CADPS2: variants seen among roughly 807,000 people sequenced by gnomAD.
CADPS2 encodes calcium-dependent secretion activator 2.
Under a neutral mutation model 172.5 loss-of-function variants are expected in CADPS2, and 93 were observed. The observed-to-expected ratio is 0.54, with a 90% confidence interval of 0.46 to 0.64. CADPS2 has a LOEUF of 0.64. Ranked by LOEUF, CADPS2 falls within the 30% of genes least tolerant of loss-of-function variation. The pLI is 0.00. For synonymous variants in CADPS2, 546 were observed against 555.2 expected, an observed-to-expected ratio of 0.98 and a Z score of 0.23; for missense variants, 1,420 against 1,565.9, an observed-to-expected ratio of 0.91 and a Z score of 1.57.
chr7:122,638,617 G>A (rs2077302128), intron 3 of CADPS2, among the ~76,000 whole-genome samples: 1 of 152,190 alleles, frequency 6.6e-6, no homozygotes, highest in South Asian at 2.1e-4. Flanking sequence ...TGTTGCCTCT[G>A]CAAAAACTCT....
At chr7:122,480,016 G>A (rs566327506) in intron 12 of CADPS2, 193 of 447,944 alleles carry the variant, frequency 4.3e-4, no homozygotes, top group Non-Finnish European at 8.2e-4. Flanking sequence ...TGAAAACCAG[G>A]GTGTGTGCAC....
At chr7:122,409,722 C>A in intron 19 of CADPS2, 1 of 432,626 alleles carries the variant, frequency 2.3e-6, no homozygotes, top group Non-Finnish European at 4.9e-6. Context: ...TGTCTACAAC[C>A]TGTCCCCTTC....
rs185807495 is a variant in CADPS2 at position 122,337,387 on chromosome 7, A to G, written c.3612+8187T>C. ...AATGACAATTGTGTTCCACGATCACATTTCAAGAATCTAAGCAAGAAGCCC... is the reference window on the plus strand; with the variant it reads ...AATGACAATTGTGTTCCACGATCACGTTTCAAGAATCTAAGCAAGAAGCCC... On this transcript the variant is annotated intron_variant, in intron 28 of 29. Coordinates refer to ENST00000449022, the MANE Select transcript of CADPS2 (RefSeq NM_017954.11). Among the ~76,000 whole-genome samples the G allele has an allele frequency of 5.0e-3, 755 of 152,348 alleles. 24 individuals carry two copies. Among genetic ancestry groups the G allele is most frequent in the Admixed American group, 1.9e-3 (29 of 15,310 alleles).
At chr7:122,856,554 C>A (rs978981849) in intron 1 of CADPS2, among the ~76,000 whole-genome samples, 2 of 152,162 alleles carry the variant, frequency 1.3e-5, no homozygotes, top group African/African-American at 4.8e-5. Flanking sequence ...CCTCTACTTA[C>A]AGGTTTTCAC....
At chr7:122,587,409 T>A (rs748596361) in intron 6 of CADPS2, among the ~76,000 whole-genome samples, 1 of 152,114 alleles carries the variant, frequency 6.6e-6, no homozygotes, top group Non-Finnish European at 1.5e-5. Context: ...GATAATGGCT[T>A]CCAGCTTCAT....
At chr7:122,640,917 T>C (rs1351258276) in intron 3 of CADPS2, among the ~76,000 whole-genome samples, 2 of 135,974 alleles carry the variant, frequency 1.5e-5, no homozygotes, top group South Asian at 2.3e-4. Flanking sequence ...CTGGGTGACA[T>C]AGCAAGACTC....
intron 4 of CADPS2, among the ~76,000 whole-genome samples, chr7:122,624,898 A>C (rs1451122901): frequency 6.6e-6 from 1 of 152,178 alleles, no homozygotes; most frequent in Non-Finnish European, 1.5e-5. Flanking sequence ...TTCTGATAGA[A>C]AGTCATAAGT....
chr7:122,744,051 T>C (rs2092614341), intron 1 of CADPS2, among the ~76,000 whole-genome samples: 1 of 152,218 alleles, frequency 6.6e-6, no homozygotes. Flanking sequence ...CAGGTTCACT[T>C]GATAGGTATA....
chr7:122,884,114 T>C (rs1823662412), intron 1 of CADPS2, among the ~76,000 whole-genome samples: 1 of 152,200 alleles, frequency 6.6e-6, no homozygotes, highest in African/African-American at 2.4e-5. Context: ...TCTTCAAGGA[T>C]AATATTCCAA....
intron 1 of CADPS2, among the ~76,000 whole-genome samples, chr7:122,844,438 C>A (rs982763644): frequency 6.6e-6 from 1 of 152,216 alleles, no homozygotes; most frequent in East Asian, 1.9e-4. Context: ...ATCACCTAAA[C>A]GACATATCTT....
intron 14 of CADPS2, among the ~76,000 whole-genome samples, chr7:122,457,933 A>T (rs952675612): frequency 2.6e-5 from 4 of 152,186 alleles, no homozygotes; most frequent in African/African-American, 7.2e-5. Context: ...ATAAGACATT[A>T]AATTAAATTA....
At chr7:122,677,776 C>T (rs779892922) in intron 2 of CADPS2, among the ~76,000 whole-genome samples, 4 of 152,132 alleles carry the variant, frequency 2.6e-5, no homozygotes, top group Non-Finnish European at 5.9e-5. Context: ...TTTTTCACCA[C>T]CATGCAATCA....
intron 1 of CADPS2, among the ~76,000 whole-genome samples, chr7:122,815,166 G>A (rs900439797): frequency 3.9e-5 from 6 of 152,098 alleles, no homozygotes; most frequent in Admixed American, 2.6e-4. Flanking sequence ...TGGTTTGAGC[G>A]TGTTACTCCT....
intron 3 of CADPS2, among the ~76,000 whole-genome samples, chr7:122,657,775 T>C (rs2079990094): frequency 6.6e-6 from 1 of 152,182 alleles, no homozygotes; most frequent in Admixed American, 6.5e-5. Flanking sequence ...TTTGACTTCC[T>C]CTTTTCCTAA....
At chr7:122,548,090 G>A (rs2063808311) in intron 8 of CADPS2, among the ~76,000 whole-genome samples, 1 of 152,112 alleles carries the variant, frequency 6.6e-6, no homozygotes, top group Non-Finnish European at 1.5e-5. Context: ...CAATTTAGCT[G>A]GGTGTGGTGG....
At chr7:122,589,478 A>AG (rs1440298245) in intron 6 of CADPS2, among the ~76,000 whole-genome samples, 1 of 151,938 alleles carries the variant, frequency 6.6e-6, no homozygotes, top group African/African-American at 2.4e-5. Flanking sequence ...AACAATACTT[A>AG]CGGAAGAGCA....
intron 28 of CADPS2, among the ~76,000 whole-genome samples, chr7:122,341,623 T>C (rs1455683291): frequency 6.6e-6 from 1 of 152,194 alleles, no homozygotes; most frequent in Admixed American, 6.5e-5. Flanking sequence ...AGAGGTAAGG[T>C]AGAGAGAGCA....
Position 122,319,932 on chromosome 7 carries a change from A to G in CADPS2, c.*233T>C. 2.5e-6 allele frequency: 1 copy of G among 403,898 alleles called. No homozygotes were observed. 25.0% of individuals were successfully genotyped at this position (403,898 alleles called of 1,614,324 possible). ...ATTTTTAGGTCAAACTACACAAAAG[A>G]GGATGCTCTTCTCCAAAAAAACAAA... On this transcript the variant is annotated 3_prime_UTR_variant, in exon 30 of 30. Coordinates refer to ENST00000449022, the MANE Select transcript of CADPS2 (RefSeq NM_017954.11).
chr7:122,326,627 G>C (rs901111073), intron 28 of CADPS2, among the ~76,000 whole-genome samples: 7 of 151,844 alleles, frequency 4.6e-5, no homozygotes, highest in African/African-American at 1.7e-4. Flanking sequence ...TGACAGTCCA[G>C]ATCACATATG....
Sources: allele counts gnomAD v4.1 joint callset (sites outside exome capture counted in the v4.1 genomes callset), GRCh38; gene constraint gnomAD v4.1.1; transcripts MANE v1.5; gene names NCBI Gene and HGNC (gene_info 2026-07-23, HGNC 2026-07-21).